FAM107A: variants seen among roughly 807,000 people sequenced by gnomAD.
FAM107A encodes the protein family with sequence similarity 107 member A.
In FAM107A, 19 loss-of-function variants were observed where a neutral mutation model predicts 13.7. The ratio of observed to expected loss-of-function variants is 1.38; its 90% CI spans 0.97 to 2.03. FAM107A has a LOEUF of 2.03. FAM107A is among the 30% of genes most tolerant of loss of function. The pLI, the probability that FAM107A is intolerant of heterozygous loss-of-function variation, is 0.00. For missense variants in FAM107A, 203 were observed against 184.4 expected, an observed-to-expected ratio of 1.10 and a Z score of -0.58; for synonymous variants, 82 against 74.5, an observed-to-expected ratio of 1.10 and a Z score of -0.52.
chr3:58,570,649 T>TA (rs5849262), intron 1 of FAM107A, among the ~76,000 whole-genome samples: 42,279 of 114,720 alleles, frequency 0.37, 8,102 homozygotes, highest in East Asian at 0.77. Flanking sequence ...GAGACTGACT[T>TA]AAAAAAAAAA....
intron 2 of FAM107A, among the ~76,000 whole-genome samples, chr3:58,568,073 A>C (rs1400655900): frequency 2.0e-5 from 3 of 148,658 alleles, no homozygotes; most frequent in Non-Finnish European, 4.5e-5. Context: ...AAGTGTTGGG[A>C]TTACAGGTGT....
intron 1 of FAM107A, among the ~76,000 whole-genome samples, chr3:58,592,758 T>A (rs11708062): frequency 0.26 from 39,226 of 152,040 alleles, 5,520 homozygotes; most frequent in East Asian, 0.46. Context: ...GACTGGACAG[T>A]ACTTTTACCT....
At chr3:58,619,827 G>T (rs1199206197) in intron 1 of FAM107A, among the ~76,000 whole-genome samples, 1 of 152,242 alleles carries the variant, frequency 6.6e-6, no homozygotes, top group Non-Finnish European at 1.5e-5. Flanking sequence ...TGGCCAGGAA[G>T]TTGTGCAGGT....
rs924990871 is a variant in FAM107A, at chr3:58,587,020, C to T, written c.-84G>A. 4 of 1,381,378 alleles carry T rather than the reference C, an allele frequency of 2.9e-6. No homozygotes were observed. In the African/African-American group the frequency reaches 4.5e-5, roughly 16 times the overall value. The allele number at this position is 1,381,378 out of a possible 1,614,324, so 85.6% of individuals were successfully genotyped here. On this transcript the variant is annotated 5_prime_UTR_variant, in exon 1 of 4. Transcript: ENST00000447756. The stretch of plus-strand genomic sequence containing the variant: ...GCGTAGTCCGGAGCCGAAGCGCCTC[C>T]GCGACGGTGACGCGGCCCCAAGTCC...
intron 1 of FAM107A, among the ~76,000 whole-genome samples, chr3:58,570,659 A>G (rs926411676): frequency 2.7e-5 from 4 of 150,566 alleles, no homozygotes; most frequent in African/African-American, 9.7e-5. Context: ...TAAAAAAAAA[A>G]AGGCCTCAAA....
chr3:58,565,179 G>A lies in FAM107A; in HGVS notation c.*1409C>T, dbSNP rs2063607479. On this transcript the variant is annotated 3_prime_UTR_variant, in exon 4 of 4. Coordinates refer to ENST00000360997, the MANE Select transcript of FAM107A (RefSeq NM_001076778.3). Reference sequence around the variant, plus strand: ...TTTATTCTCTAATTCTTTAAAAATGGGATAGGAGCAAAAGGTTAAAATATG... The same window carrying A: ...TTTATTCTCTAATTCTTTAAAAATGAGATAGGAGCAAAAGGTTAAAATATG... 6.6e-6 allele frequency: 1 copy of A among 152,156 alleles called. No individual in the cohort carries two copies. Among genetic ancestry groups the A allele is most frequent in the Admixed American group, 6.5e-5 (1 of 15,274 alleles). 9.4% of individuals were successfully genotyped at this position (152,156 alleles called of 1,614,324 possible).
intron 1 of FAM107A, among the ~76,000 whole-genome samples, chr3:58,624,206 G>C (rs943540609): frequency 2.6e-5 from 4 of 152,182 alleles, no homozygotes; most frequent in African/African-American, 9.7e-5. Flanking sequence ...ATGCCCAGTG[G>C]GTCAAATGTT....
chr3:58,577,670 C>T (rs1015513838), upstream of FAM107A: 35 of 985,288 alleles, frequency 3.6e-5, no homozygotes, highest in South Asian at 4.2e-4. The surrounding 1 kb of genome is among the most constrained non-coding windows in gnomAD (Gnocchi z 4.9). Flanking sequence ...AGGCGGCTCA[C>T]GTAAAGGAAT....
At chr3:58,597,215 A>G (rs2065714880) in intron 1 of FAM107A, among the ~76,000 whole-genome samples, 1 of 152,242 alleles carries the variant, frequency 6.6e-6, no homozygotes, top group South Asian at 2.1e-4. Context: ...GCAGATATCC[A>G]GCAGTGGACT....
Position 58,619,059 on chromosome 3 carries a change from G to C in FAM107A, c.-70+8357C>G, listed in dbSNP as rs184109101. On this transcript the variant is annotated intron_variant, in intron 1 of 3. Transcript: ENST00000465970. ...TCTGTCACCCAGGATGGAGTGCAGT[G>C]GTGCTACCATGGCTCACTGCAGCCT... 3.6e-3 allele frequency among the ~76,000 whole-genome samples: 541 copies of C among 152,286 alleles called. 2 individuals carry two copies. The highest frequency in any genetic ancestry group is 0.012 in the African/African-American group (511 of 41,568).
chr3:58,614,278 A>G (rs2108080443), intron 1 of FAM107A, among the ~76,000 whole-genome samples: 1 of 152,250 alleles, frequency 6.6e-6, no homozygotes, highest in Middle Eastern at 3.4e-3. Context: ...CTTCTATGTC[A>G]TGAGTGAATT....
chr3:58,599,696 ATTTTTTTTTTTTTT>A (rs57244654), intron 1 of FAM107A, among the ~76,000 whole-genome samples: 32,906 of 79,378 alleles, frequency 0.41, 5,326 homozygotes, highest in South Asian at 0.62. Context: ...CAAGTGCACC[ATTTTTTTTTTTTTT>A]TTTTTTTTTT....
intron 1 of FAM107A, among the ~76,000 whole-genome samples, chr3:58,620,051 G>T (rs545173711): frequency 6.6e-6 from 1 of 152,242 alleles, no homozygotes; most frequent in Admixed American, 6.5e-5. Context: ...GGTAGCTTTT[G>T]GGAAATCAGC....
At chr3:58,601,056 A>G (rs144174282) in intron 1 of FAM107A, among the ~76,000 whole-genome samples, 4,245 of 152,338 alleles carry the variant, frequency 0.028, 84 homozygotes, top group Middle Eastern at 0.051. Context: ...GAGAATACAC[A>G]GTGCCTGGCA....
chr3:58,586,541 T>C (rs2065607437), intron 1 of FAM107A, among the ~76,000 whole-genome samples: 1 of 151,806 alleles, frequency 6.6e-6, no homozygotes, highest in Admixed American at 6.6e-5. Flanking sequence ...TTTAAAAAAT[T>C]AGCTGGGTGT....
At chr3:58,572,038 A>G (rs900320125) in intron 1 of FAM107A, among the ~76,000 whole-genome samples, 2 of 152,230 alleles carry the variant, frequency 1.3e-5, no homozygotes, top group African/African-American at 4.8e-5. Flanking sequence ...GAATTCCCAC[A>G]TGGATGAACA....
intron 1 of FAM107A, among the ~76,000 whole-genome samples, chr3:58,622,494 T>A (rs1212296454): frequency 6.6e-6 from 1 of 152,120 alleles, no homozygotes; most frequent in African/African-American, 2.4e-5. Context: ...GCTGGTGGGG[T>A]TGGAGCTCGA....
At chr3:58,586,027 AAAT>A (rs2065602115) in intron 1 of FAM107A, among the ~76,000 whole-genome samples, 1 of 152,232 alleles carries the variant, frequency 6.6e-6, no homozygotes, top group Non-Finnish European at 1.5e-5. Context: ...GTTTCCTTCC[AAAT>A]AGTTGCATGC....
chr3:58,598,521 G>A (rs940244431), intron 1 of FAM107A, among the ~76,000 whole-genome samples: 38 of 152,212 alleles, frequency 2.5e-4, no homozygotes, highest in African/African-American at 8.9e-4. Context: ...GGCAGCAGCA[G>A]CAATCTTTTT....
Sources: gnomAD v4.1 joint callset for allele counts (sites outside exome capture counted in the v4.1 genomes callset) on GRCh38, gnomAD v4.1.1 for gene constraint, Gnocchi (gnomAD v3.1) non-coding constraint, MANE v1.5 for transcripts, NCBI Gene and HGNC (gene_info 2026-07-23, HGNC 2026-07-21) for gene names.